Variants in CENPE observed in about 807,000 individuals in gnomAD.
The protein encoded by CENPE is centromere-associated protein E.
Under a neutral mutation model 336.1 loss-of-function variants are expected in CENPE, and 145 were observed. The ratio of observed to expected loss-of-function variants is 0.43; its 90% confidence interval spans 0.38 to 0.50. The LOEUF is 0.50. Among genes scored for constraint, CENPE ranks in the 20% least tolerant of loss-of-function variants. The pLI is 0.00. For missense variants in CENPE, 2,719 were observed against 3,023.3 expected (o/e 0.90, Z 2.36); for synonymous variants, 1,013 against 984.8 (o/e 1.03, Z -0.54).
Position 103,136,126 on chromosome 4 carries a change from T to C in CENPE, c.6522+15A>G. 1 of 1,593,886 alleles carries C rather than the reference T, an allele frequency of 6.3e-7. No individual in the cohort carries two copies. Among genetic ancestry groups the C allele is most frequent in the South Asian group, 1.1e-5 (1 of 88,914 alleles). On this transcript the variant is annotated intron_variant, in intron 40 of 48. Coordinates refer to ENST00000265148, the MANE Select transcript of CENPE (RefSeq NM_001813.3). ...ACTGAAATATTTAAAAGGATATTAC[T>C]AAAAAAGATGGTACCTTCAGTTTCT... is the stretch of plus-strand genomic sequence containing the variant.
rs766388292 is a variant in CENPE, at chr4:103,147,378, T to A, written c.4112A>T (p.His1371Leu). 2.7e-5 allele frequency: 44 copies of A among 1,605,160 alleles called. No individual in the cohort carries two copies. The highest frequency in any genetic ancestry group is 3.4e-5 in the Admixed American group (2 of 58,334). The change falls in exon 29 of 49, where the codon CAT becomes CTT. Residue 1371 changes from histidine to leucine, a missense_variant. Physicochemically the swap from His to Leu is moderately conservative, Grantham distance 99. Transcript: ENST00000265148. ...TACTTTAGCCAAAGTTTCTCTAATA[T>A]GTTCTTTCAGCTGGTCATGTTTAAC... ...LEVKHDQLKE[H>L]IRETLAKIQE... is the part of the protein sequence containing the mutation.
In CENPE at chr4:103,141,799, G is replaced by A. The variant is rs777235442; in HGVS notation, c.5414C>T (p.Ser1805Leu). 1 of 1,563,454 alleles carries A rather than the reference G, an allele frequency of 6.4e-7. No homozygotes were observed. Among genetic ancestry groups the A allele is most frequent in the Admixed American group, 1.8e-5 (1 of 57,054 alleles). The change falls in exon 35 of 49, where the codon TCA becomes TTA. Residue 1805 changes from serine (S) to leucine (L), a missense_variant. Physicochemically the swap from Ser to Leu is moderately radical, Grantham distance 145. Transcript: ENST00000265148. ...GIVSEKTDKLSNMQKDLENSN... is the reference protein window; with the variant it reads ...GIVSEKTDKLLNMQKDLENSN... ...ATTTTCTAAATCTTTTTGCATATTT[G>A]ATAGTTTATCTGTCTTCTCAGAAAC... is the stretch of plus-strand genomic sequence containing the variant.
intron 11 of CENPE, among the ~76,000 whole-genome samples, chr4:103,182,153 G>A (rs527269904): frequency 2.0e-3 from 309 of 151,278 alleles, no homozygotes; most frequent in African/African-American, 7.0e-3. Flanking sequence ...GTGCAATGGC[G>A]CGATCTCGGC....
chr4:103,175,963 A>C lies in CENPE; in HGVS notation c.1476T>G (p.Asn492Lys). The change falls in exon 15 of 49, where the codon AAT (asparagine) becomes AAG (lysine). Residue 492 changes from asparagine to lysine, a missense_variant. Physicochemically the swap from Asn to Lys is moderately conservative, Grantham distance 94 (BLOSUM62 0). Coordinates refer to ENST00000265148, the MANE Select transcript of CENPE (RefSeq NM_001813.3). ...IEWNPATKLLNQENIESELNS... is the reference protein window; with the variant it reads ...IEWNPATKLLKQENIESELNS... Reference sequence around the variant, plus strand: ...GCTGTAAAATACATTAAGTTACCTGATTTAGTAGCTTTGTTGCTGGATTCC... The same window carrying C: ...GCTGTAAAATACATTAAGTTACCTGCTTTAGTAGCTTTGTTGCTGGATTCC... 6.3e-7 allele frequency: 1 copy of C among 1,580,056 alleles called. No individual in the cohort carries two copies. Among genetic ancestry groups the C allele is most frequent in the South Asian group, 1.1e-5 (1 of 88,242 alleles).
At chr4:103,128,121 G>A (rs1030570087) in intron 42 of CENPE, among the ~76,000 whole-genome samples, 1 of 152,042 alleles carries the variant, frequency 6.6e-6, no homozygotes, top group East Asian at 1.9e-4. Context: ...ATGAAGTAGT[G>A]ATATTAATTT....
intron 24 of CENPE, 50 bp from the exon 25 acceptor site, chr4:103,153,300 C>T: frequency 7.9e-7 from 1 of 1,260,448 alleles, no homozygotes; most frequent in Non-Finnish European, 1.1e-6. Flanking sequence ...TTAACAACAA[C>T]TTTAAAAAAT....
chr4:103,196,135 G>A (rs1578706724), intron 3 of CENPE, 28 bp downstream of exon 3: 2 of 1,600,730 alleles, frequency 1.2e-6, no homozygotes, highest in East Asian at 4.5e-5. Flanking sequence ...AGACTAAAAT[G>A]TTTCTGCAGC....
intron 45 of CENPE, among the ~76,000 whole-genome samples, chr4:103,114,845 T>G (rs1749937364): frequency 6.6e-6 from 1 of 152,192 alleles, no homozygotes; most frequent in African/African-American, 2.4e-5. Context: ...AACAAAATTA[T>G]AATTACCTAA....
Position 103,141,733 on chromosome 4 carries a change from T to C in CENPE, c.5463+17A>G, listed in dbSNP as rs1752578127. ...ACAAATTAGATATCCAATCAAACAA[T>C]CCCCCCATAAAAATACCTTTTCTTG... On this transcript the variant is annotated intron_variant, in intron 35 of 48. Coordinates refer to ENST00000265148, the MANE Select transcript of CENPE (RefSeq NM_001813.3). The C allele has an allele frequency of 2.0e-6, 3 of 1,485,184 alleles. No individual in the cohort carries two copies. The highest frequency in any genetic ancestry group is 2.4e-5 in the South Asian group (2 of 82,064). 92.0% of individuals were successfully genotyped at this position (1,485,184 alleles called of 1,614,324 possible).
At chr4:103,188,424 G>C (rs534136404) in intron 8 of CENPE, among the ~76,000 whole-genome samples, 3 of 152,140 alleles carry the variant, frequency 2.0e-5, no homozygotes, top group African/African-American at 7.2e-5. Context: ...TAAAAGAACA[G>C]AAATGATAAC....
At chr4:103,124,186 A>G (rs1212362967) in intron 42 of CENPE, among the ~76,000 whole-genome samples, 1 of 152,192 alleles carries the variant, frequency 6.6e-6, no homozygotes, top group Non-Finnish European at 1.5e-5. Context: ...CTTGATATAC[A>G]TATTTTAAAA....
At chr4:103,196,120 G>A (rs777361185) in intron 3 of CENPE, 43 bp downstream of exon 3, 6 of 1,584,126 alleles carry the variant, frequency 3.8e-6, no homozygotes, top group Admixed American at 1.7e-5. Flanking sequence ...TTGCACAGAC[G>A]CCCAAGACTA....
chr4:103,168,997 A>G (rs1310086549), intron 16 of CENPE, among the ~76,000 whole-genome samples: 1 of 152,228 alleles, frequency 6.6e-6, no homozygotes, highest in South Asian at 2.1e-4. Context: ...AAAGATGGAG[A>G]TGTATTATCT....
At chr4:103,142,611 C>T (rs1434315123) in intron 34 of CENPE, among the ~76,000 whole-genome samples, 1 of 152,176 alleles carries the variant, frequency 6.6e-6, no homozygotes, top group Non-Finnish European at 1.5e-5. Flanking sequence ...CTGAGTCAAT[C>T]TTAATTTCTG....
chr4:103,106,417 A>G, intron 48 of CENPE, 101 bp from the exon 49 acceptor site: 1 of 794,410 alleles, frequency 1.3e-6, no homozygotes, highest in Non-Finnish European at 1.9e-6. Context: ...AGAGATGTGA[A>G]GAATGAAAAA....
intron 11 of CENPE, 169 bp from the exon 12 acceptor site, chr4:103,181,625 G>A: frequency 2.2e-6 from 1 of 456,420 alleles, no homozygotes; most frequent in Non-Finnish European, 3.8e-6. Context: ...ACAATGCTCT[G>A]TAACTTATCC....
At chr4:103,136,544 T>C (rs1752083270) in intron 39 of CENPE, among the ~76,000 whole-genome samples, 185 bp from the exon 40 acceptor site, 1 of 152,190 alleles carries the variant, frequency 6.6e-6, no homozygotes, top group South Asian at 2.1e-4. Flanking sequence ...AAATAATAGA[T>C]AATTATTATG....
At position 103,113,217 on chromosome 4, in the gene CENPE, C is replaced by T. The variant is rs570032035; in HGVS notation, c.7540+1238G>A. The stretch of plus-strand genomic sequence containing the variant: ...ATAAGTATATAAGTGTATATATATA[C>T]TTTTAAGTATATGTGTATATATACT... On this transcript the variant is annotated intron_variant, in intron 46 of 48. Transcript: ENST00000265148. Among the ~76,000 whole-genome samples, 400 of 125,570 alleles carry T rather than the reference C, an allele frequency of 3.2e-3. 2 individuals are homozygous for T. In the Middle Eastern group the frequency reaches 0.06, roughly 19 times the overall value. 82.4% of individuals were successfully genotyped at this position (125,570 alleles called of 152,430 possible).
In CENPE at chr4:103,149,369, C is replaced by A; in HGVS notation, c.3436G>T (p.Val1146Leu). ...LQEKQQQLLN[V>L]QEEMSEMQKK... ...TGCATCTCACTCATCTCTTCTTGTA[C>A]ATTAAGAAGTTGTTGCTGTTTTTCT... is the stretch of plus-strand genomic sequence containing the variant. Residue 1146 changes from valine (V) to leucine (L), a missense_variant, in exon 27 of 49, where the codon GTA (valine) becomes TTA (leucine). Around this residue, in one of 5 missense-constraint regions of CENPE, gnomAD observed 2,437 missense variants for 2,513.3 expected, o/e 0.97. Transcript: ENST00000265148. The A allele has an allele frequency of 6.3e-7, 1 of 1,584,932 alleles. No homozygotes were observed. Among genetic ancestry groups the A allele is most frequent in the Non-Finnish European group, 8.5e-7 (1 of 1,171,274 alleles).
Sources: gnomAD v4.1 joint callset for allele counts (sites outside exome capture counted in the v4.1 genomes callset) on GRCh38, gnomAD v4.1.1 for gene constraint, gnomAD v4.1.1 regional missense constraint, MANE v1.5 for transcripts, NCBI Gene and HGNC (gene_info 2026-07-23, HGNC 2026-07-21) for gene names.